Variants in POC1B observed in about 807,000 individuals in gnomAD.
POC1B encodes the protein POC1 centriolar protein B.
In POC1B, 44 loss-of-function variants were observed where a neutral mutation model predicts 60.6. That is an observed-to-expected ratio of 0.73 (90% CI 0.57 to 0.93). The LOEUF is 0.93. POC1B is among the 40% of genes least tolerant of loss of function. POC1B has a pLI of 0.00. For missense variants in POC1B, 555 were observed against 572.3 expected (o/e 0.97, Z 0.31); for synonymous variants, 180 against 198.9 (o/e 0.90, Z 0.80).
rs186220320 is a variant in POC1B, at chr12:89,474,130, C to T, written c.453-1855G>A. Among the ~76,000 whole-genome samples, 649 of 151,788 alleles carry T rather than the reference C, an allele frequency of 4.3e-3. 8 individuals carry two copies. Among genetic ancestry groups the T allele is most frequent in the African/African-American group, 0.015 (606 of 41,362 alleles). ...CTGAGGCAGGAGAATTGCTCGAACC[C>T]GGGAGGCAGAGGTTGCAGTGAGCCG... is the stretch of plus-strand genomic sequence containing the variant. On this transcript the variant is annotated intron_variant, in intron 4 of 11. Coordinates refer to ENST00000313546, the MANE Select transcript of POC1B (RefSeq NM_172240.3).
At chr12:89,526,047 C>CA (rs1871475468), upstream of POC1B, 2 of 1,533,752 alleles carry the variant, frequency 1.3e-6, no homozygotes, top group Non-Finnish European at 1.7e-6. Context: ...GCGGCCCAGT[C>CA]AAACCCCGCG....
Position 89,459,732 on chromosome 12 carries a change from T to TAA in POC1B, c.1033-16_1033-15dup. On this transcript the variant is annotated splice_polypyrimidine_tract_variant and intron_variant, in intron 9 of 11. Coordinates refer to ENST00000313546, the MANE Select transcript of POC1B (RefSeq NM_172240.3). ...CTTTGGATTAATCTGTGTATATACATAAAAAAAAATTATGAGATTTTCATA... is the reference window on the plus strand; with the variant it reads ...CTTTGGATTAATCTGTGTATATACATAAAAAAAAAAATTATGAGATTTTCATA... 1.5e-6 allele frequency: 2 copies of TAA among 1,378,794 alleles called. No individual in the cohort carries two copies. The highest frequency in any genetic ancestry group is 1.9e-6 in the Non-Finnish European group (2 of 1,032,346). 85.4% of individuals were successfully genotyped at this position (1,378,794 alleles called of 1,614,324 possible). A position where few individuals can be genotyped will look rare whatever the true frequency, so the allele number is the denominator to read the frequency against.
chr12:89,490,492 C>G (rs1364512019), intron 4 of POC1B, among the ~76,000 whole-genome samples: 1 of 152,094 alleles, frequency 6.6e-6, no homozygotes, highest in Admixed American at 6.5e-5. Context: ...CTACAGGCAC[C>G]TGCCACCACG....
At chr12:89,502,171 A>T in intron 2 of POC1B, 1 of 1,150,834 alleles carries the variant, frequency 8.7e-7, no homozygotes, top group Non-Finnish European at 1.3e-6. Context: ...TTCCAGGCTC[A>T]ATAATAATTA....
chr12:89,524,934 TGGGGGCC>T, intron 2 of POC1B, 179 bp downstream of exon 2: 1 of 945,518 alleles, frequency 1.1e-6, no homozygotes, highest in Non-Finnish European at 1.5e-6. Context: ...GGCCGGGGGC[TGGGGGCC>T]GGGATGGCAG....
chr12:89,406,117 C>G, the POC1B span, among the ~76,000 whole-genome samples: 2 of 151,712 alleles, frequency 1.3e-5, no homozygotes, highest in East Asian at 3.9e-4. Flanking sequence ...CCCCCCACAT[C>G]TCATTAGAGA....
rs1871252466 is a variant in POC1B, at chr12:89,524,608, C to T, written c.100+512G>A. On this transcript the variant is annotated intron_variant, in intron 2 of 11. Coordinates refer to ENST00000313546, the MANE Select transcript of POC1B (RefSeq NM_172240.3). ...ACCAAGCCACCACGCAGGGGAAGGG[C>T]GGCGGAACCCACAGCTCGAGCTCAG... 6 of 1,561,536 alleles carry T rather than the reference C, an allele frequency of 3.8e-6. No individual in the cohort carries two copies. The South Asian group carries it at 4.5e-5, about 12-fold the overall frequency.
intron 7 of POC1B, among the ~76,000 whole-genome samples, chr12:89,469,052 G>A (rs140988212): frequency 8.9e-4 from 135 of 152,268 alleles, no homozygotes; most frequent in African/African-American, 3.2e-3. Context: ...ATTACCTGAG[G>A]TCAGGAGTTC....
intron 9 of POC1B, chr12:89,461,017 C>G (rs965407340): frequency 6.6e-6 from 1 of 152,078 alleles, no homozygotes; most frequent in Non-Finnish European, 1.5e-5. Context: ...AAAGAAGAAA[C>G]TATTGACTGA....
At chr12:89,500,959 T>A in intron 2 of POC1B, 3 of 887,874 alleles carry the variant, frequency 3.4e-6, no homozygotes, top group Non-Finnish European at 5.5e-6. Flanking sequence ...GGAGGAATTG[T>A]TCCACCTCAT....
the POC1B span, among the ~76,000 whole-genome samples, chr12:89,406,356 C>A: frequency 6.6e-6 from 1 of 152,180 alleles, no homozygotes; most frequent in Admixed American, 6.5e-5. Flanking sequence ...CTTCTCGATA[C>A]ACCATTTGAA....
chr12:89,524,039 TG>T, intron 2 of POC1B: 5 of 1,613,610 alleles, frequency 3.1e-6, no homozygotes, highest in Non-Finnish European at 4.2e-6. Context: ...TCCACCAAGA[TG>T]ATCTCTTTCA....
chr12:89,511,682 A>G (rs1204314957), intron 2 of POC1B, among the ~76,000 whole-genome samples: 1 of 152,192 alleles, frequency 6.6e-6, no homozygotes, highest in East Asian at 1.9e-4. Flanking sequence ...AGGGAAATCT[A>G]AAGAAATCTA....
chr12:89,478,114 CATTCATTCATTT>C (rs1272151042), intron 4 of POC1B, among the ~76,000 whole-genome samples: 182 of 93,142 alleles, frequency 2.0e-3, no homozygotes, highest in African/African-American at 8.0e-3. Flanking sequence ...TTCATTCATT[CATTCATTCATTT>C]ATTGATAGAC....
At position 89,459,614 on chromosome 12, in the gene POC1B, A is replaced by AC. The variant is rs766935247; in HGVS notation, c.1113+23_1113+24insG. 35 of 1,289,812 alleles carry AC rather than the reference A, an allele frequency of 2.7e-5. No individual in the cohort carries two copies. The African/African-American group carries it at 4.6e-4, about 17-fold the overall frequency. The allele number at this position is 1,289,812 out of a possible 1,614,324, so 79.9% of individuals were successfully genotyped here. A position where few individuals can be genotyped will look rare whatever the true frequency, so the allele number is the denominator to read the frequency against. ...GATTAAATGCCACTTAAGTGTCAAA[A>AC]AAAAAAAAAAAAACCCGACTTACTG... On this transcript the variant is annotated intron_variant, in intron 10 of 11. Transcript: ENST00000313546.
At chr12:89,498,365 C>T (rs1401460371) in intron 2 of POC1B, among the ~76,000 whole-genome samples, 1 of 152,120 alleles carries the variant, frequency 6.6e-6, no homozygotes, top group Non-Finnish European at 1.5e-5. Context: ...GCCTAAAAAA[C>T]AAATTTTATT....
chr12:89,503,362 C>T (rs1432641788), intron 2 of POC1B, among the ~76,000 whole-genome samples: 1 of 152,264 alleles, frequency 6.6e-6, no homozygotes, highest in African/African-American at 2.4e-5. Flanking sequence ...AGTGATCTGC[C>T]AGCCTCGGCC....
At chr12:89,460,811 G>A (rs908218970) in intron 9 of POC1B, 5 of 152,046 alleles carry the variant, frequency 3.3e-5, no homozygotes, top group African/African-American at 1.2e-4. Flanking sequence ...AATATATAAA[G>A]TTACAAAGAA....
intron 4 of POC1B, among the ~76,000 whole-genome samples, chr12:89,479,540 A>C (rs1339499639): frequency 6.6e-6 from 1 of 152,132 alleles, no homozygotes; most frequent in African/African-American, 2.4e-5. Flanking sequence ...TTCCAAATAT[A>C]TGGTATACCT....
Sources: allele counts gnomAD v4.1 joint callset (sites outside exome capture counted in the v4.1 genomes callset), GRCh38; gene constraint gnomAD v4.1.1; transcripts MANE v1.5; gene names NCBI Gene and HGNC (gene_info 2026-07-23, HGNC 2026-07-21).